WDR49: variants seen among roughly 807,000 people sequenced by gnomAD.
WDR49 encodes the protein cilia- and flagella-associated protein 337.
A neutral mutation model predicts 119.5 loss-of-function variants in WDR49; 107 were observed. That is an observed-to-expected ratio of 0.90 (90% CI 0.77 to 1.05). The LOEUF (loss-of-function observed/expected upper bound fraction) is 1.05, where lower values mean the gene tolerates loss of function less well. Among genes scored for constraint, WDR49 ranks in the 50% least tolerant of loss-of-function variants. WDR49 has a pLI of 0.00. For synonymous variants in WDR49, 425 were observed against 418.8 expected (o/e 1.01, Z -0.18); for missense variants, 1,240 against 1,220.5 (o/e 1.02, Z -0.24).
chr3:167,512,836 C>T (rs936136663), intron 16 of WDR49, among the ~76,000 whole-genome samples: 1 of 152,060 alleles, frequency 6.6e-6, no homozygotes, highest in African/African-American at 2.4e-5. Context: ...GCTGAATAGT[C>T]CACACGGAGG....
At chr3:167,586,005 T>A (rs1480041697) in intron 7 of WDR49, among the ~76,000 whole-genome samples, 1 of 152,100 alleles carries the variant, frequency 6.6e-6, no homozygotes, top group African/African-American at 2.4e-5. Context: ...GAAGTCGGGA[T>A]GGGGAACAGT....
At chr3:167,553,606 G>C (rs1443905066) in intron 10 of WDR49, among the ~76,000 whole-genome samples, 1 of 152,106 alleles carries the variant, frequency 6.6e-6, no homozygotes, top group Admixed American at 6.6e-5. Flanking sequence ...ACACATGGTA[G>C]AGAGCTAAAC....
chr3:167,652,325 G>T (rs1206989777), intron 2 of WDR49, among the ~76,000 whole-genome samples: 1 of 152,134 alleles, frequency 6.6e-6, no homozygotes, highest in Admixed American at 6.5e-5. Context: ...GCCTATTACA[G>T]GCTAATATAT....
intron 18 of WDR49, among the ~76,000 whole-genome samples, chr3:167,484,260 T>A (rs1257569448): frequency 6.6e-6 from 1 of 152,042 alleles, no homozygotes; most frequent in African/African-American, 2.4e-5. Flanking sequence ...GAGCCAGACT[T>A]AATCAGATAA....
chr3:167,603,699 A>C (rs369432039), intron 6 of WDR49, among the ~76,000 whole-genome samples: 5 of 152,136 alleles, frequency 3.3e-5, no homozygotes, highest in African/African-American at 9.7e-5. Context: ...GAATGTCTAA[A>C]TTTTTAATTT....
intron 8 of WDR49, among the ~76,000 whole-genome samples, chr3:167,568,799 T>C (rs115737464): frequency 0.022 from 3,342 of 152,278 alleles, 75 homozygotes; most frequent in Non-Finnish European, 0.025. Context: ...TTTACTGAGA[T>C]GGGTAATTTA....
chr3:167,591,929 T>C lies in WDR49; in HGVS notation c.1275+10198A>G, dbSNP rs189292303. 2.9e-4 allele frequency among the ~76,000 whole-genome samples: 44 copies of C among 152,258 alleles called. No individual in the cohort carries two copies. The East Asian group carries it at 7.3e-3, about 25-fold the overall frequency. ...GACAAGTAAAGACTTACTTCTGCCATTTTGTTATTTGTTTTCTGGTTGTCT... is the reference window on the plus strand; with the variant it reads ...GACAAGTAAAGACTTACTTCTGCCACTTTGTTATTTGTTTTCTGGTTGTCT... On this transcript the variant is annotated intron_variant, in intron 7 of 18. Transcript: ENST00000682715.
intron 7 of WDR49, among the ~76,000 whole-genome samples, chr3:167,585,951 G>C (rs765159477): frequency 2.0e-5 from 3 of 152,000 alleles, no homozygotes; most frequent in Non-Finnish European, 4.4e-5. Flanking sequence ...TCCATTTACC[G>C]GCGTACTTTA....
rs764809851 is a variant in WDR49 at position 167,560,194 on chromosome 3, A to G, written c.1544T>C (p.Phe515Ser). The change falls in exon 9 of 19, where the codon TTC (phenylalanine) becomes TCC (serine). Residue 515 changes from phenylalanine (F) to serine (S), a missense_variant. Phe to Ser is a radical substitution (Grantham distance 155, BLOSUM62 -2). Transcript: ENST00000682715. ...TTTCTGCCCAGTGTCTATCATCCAG[A>G]AGGAAACAGTAGACCCTGTATCAGA... is the stretch of plus-strand genomic sequence containing the variant. Reference protein sequence around the residue: ...ISSDTGSTVSFWMIDTGQKIK... With the variant: ...ISSDTGSTVSSWMIDTGQKIK... The G allele has an allele frequency of 2.5e-6, 4 of 1,614,210 alleles. No homozygotes were observed. In the South Asian group the frequency reaches 4.4e-5, roughly 18 times the overall value.
intron 18 of WDR49, among the ~76,000 whole-genome samples, chr3:167,484,159 A>G (rs1235665137): frequency 6.6e-6 from 1 of 152,186 alleles, no homozygotes; most frequent in Non-Finnish European, 1.5e-5. Flanking sequence ...AAATATTAAT[A>G]TAAGTGTTGC....
chr3:167,512,371 C>T (rs895138896), intron 16 of WDR49, among the ~76,000 whole-genome samples: 4 of 152,088 alleles, frequency 2.6e-5, no homozygotes, highest in African/African-American at 9.7e-5. Context: ...AGGAGCTCTA[C>T]AGAAGAGGGG....
chr3:167,484,273 G>A (rs1212292241), intron 18 of WDR49, among the ~76,000 whole-genome samples: 1 of 152,020 alleles, frequency 6.6e-6, no homozygotes, highest in African/African-American at 2.4e-5. Context: ...TCAGATAAAA[G>A]GCCTTAACAC....
At chr3:167,628,765 G>A (rs530539639) in intron 2 of WDR49, among the ~76,000 whole-genome samples, 8 of 152,242 alleles carry the variant, frequency 5.3e-5, no homozygotes, top group South Asian at 4.1e-4. Context: ...TAAACAATAC[G>A]TTTTCAATGT....
At chr3:167,548,447 G>A (rs1410362565) in intron 10 of WDR49, among the ~76,000 whole-genome samples, 3 of 151,910 alleles carry the variant, frequency 2.0e-5, no homozygotes, top group Non-Finnish European at 4.4e-5. Flanking sequence ...TGTCACAAGG[G>A]GTAATCACTA....
At chr3:167,488,592 A>G (rs1751012003) in intron 18 of WDR49, among the ~76,000 whole-genome samples, 1 of 152,124 alleles carries the variant, frequency 6.6e-6, no homozygotes, top group Non-Finnish European at 1.5e-5. Flanking sequence ...AAGTTCCCAT[A>G]TGATCACAAG....
intron 10 of WDR49, 39 bp from the exon 11 acceptor site, chr3:167,537,039 A>C: frequency 6.5e-7 from 1 of 1,531,786 alleles, no homozygotes; most frequent in Non-Finnish European, 8.8e-7. Context: ...TGGATCTAAA[A>C]TTGATGTAGA....
intron 18 of WDR49, among the ~76,000 whole-genome samples, chr3:167,495,536 A>G (rs1751319970): frequency 6.7e-6 from 1 of 150,222 alleles, no homozygotes; most frequent in South Asian, 2.1e-4. Context: ...TTAAAAGAGC[A>G]TCAAAAACAT....
chr3:167,657,793 T>C (rs1029802924), upstream of WDR49, among the ~76,000 whole-genome samples: 6 of 152,196 alleles, frequency 3.9e-5, no homozygotes, highest in African/African-American at 1.4e-4. Flanking sequence ...TCCTCACTGC[T>C]ACAGGAAGAG....
intron 5 of WDR49, among the ~76,000 whole-genome samples, chr3:167,615,423 A>G (rs1011049888): frequency 6.8e-6 from 1 of 148,120 alleles, no homozygotes; most frequent in African/African-American, 2.5e-5. Context: ...GGCGTGGACC[A>G]CCACTCCCGG....
Sources: allele counts gnomAD v4.1 joint callset (sites outside exome capture counted in the v4.1 genomes callset), GRCh38; gene constraint gnomAD v4.1.1; transcripts MANE v1.5; gene names NCBI Gene and HGNC (gene_info 2026-07-23, HGNC 2026-07-21).